SYNE1: variants seen among roughly 807,000 people sequenced by gnomAD.
SYNE1 encodes the protein nesprin-1.
A neutral mutation model predicts 1,111.0 loss-of-function variants in SYNE1; 616 were observed. That is an observed-to-expected ratio of 0.55 (90% confidence interval 0.52 to 0.59). The LOEUF (loss-of-function observed/expected upper bound fraction) is 0.59, where lower values mean the gene tolerates loss of function less well. Ranked by LOEUF, SYNE1 falls within the 20% of genes least tolerant of loss-of-function variation. The probability of loss-of-function intolerance (pLI) is 0.00; values close to 1 mark genes in which losing one functional copy is unlikely to be tolerated. For missense variants in SYNE1, 10,006 were observed against 10,417.0 expected (o/e 0.96, Z 1.72); for synonymous variants, 3,855 against 3,825.8 (o/e 1.01, Z -0.28).
At chr6:152,602,346 T>C (rs1273161866) in intron 3 of SYNE1, among the ~76,000 whole-genome samples, 5 of 152,040 alleles carry the variant, frequency 3.3e-5, no homozygotes, top group Admixed American at 6.6e-5. Context: ...GAAGAAGAGA[T>C]AGGAAGAAGA....
At chr6:152,308,660 TAGAC>T (rs746617898) in intron 90 of SYNE1, 28 bp from the exon 91 acceptor site, 5 of 1,588,146 alleles carry the variant, frequency 3.1e-6, no homozygotes, top group Non-Finnish European at 4.3e-6. Flanking sequence ...AACAGAAAGA[TAGAC>T]AGTTTTTTTT....
chr6:152,169,561 CAAAAAAAAAAAA>C (rs371955068), intron 130 of SYNE1, among the ~76,000 whole-genome samples: 5 of 18,090 alleles, frequency 2.8e-4, no homozygotes, highest in Admixed American at 2.3e-3. Flanking sequence ...GACTCCATCT[CAAAAAAAAAAAA>C]AAAAAAAAAG....
chr6:152,122,436 T>C lies in SYNE1; in HGVS notation c.26394A>G (p.Ter8798TrpextTer13). Residue 8798 changes from the stop codon to tryptophan (W), a stop_lost, in exon 146 of 146, where the codon TGA (stop) becomes TGG (tryptophan). Transcript: ENST00000367255. ...LRYTNGPPPL[*>W] Reference sequence around the variant, plus strand: ...CTTCTGCAGATGGCATCTGCTTAGTTCAGAGTGGAGGAGGGCCATTCGTGT... The same window carrying C: ...CTTCTGCAGATGGCATCTGCTTAGTCCAGAGTGGAGGAGGGCCATTCGTGT... 1.2e-6 allele frequency: 2 copies of C among 1,614,122 alleles called. No individual in the cohort carries two copies. Among genetic ancestry groups the C allele is most frequent in the Non-Finnish European group, 1.7e-6 (2 of 1,180,038 alleles).
At chr6:152,423,581 A>T (rs1381041462) in intron 39 of SYNE1, among the ~76,000 whole-genome samples, 1 of 152,116 alleles carries the variant, frequency 6.6e-6, no homozygotes, top group Non-Finnish European at 1.5e-5. Flanking sequence ...ACCTTTGCCT[A>T]CTTACAATAT....
chr6:152,152,805 TTTAA>T, intron 133 of SYNE1, among the ~76,000 whole-genome samples: 1 of 152,326 alleles, frequency 6.6e-6, no homozygotes, highest in Middle Eastern at 3.4e-3. Context: ...GTTCCTGTGA[TTTAA>T]TTAGTTTTTA....
intron 3 of SYNE1, among the ~76,000 whole-genome samples, chr6:152,606,978 CTTTTTTTTTTT>C (rs71017544): frequency 1.6e-5 from 1 of 62,210 alleles, no homozygotes; most frequent in Non-Finnish European, 2.8e-5. Context: ...CCTCGGTTCT[CTTTTTTTTTTT>C]TTTTTTTTTT....
intron 59 of SYNE1, among the ~76,000 whole-genome samples, chr6:152,372,415 A>G (rs935038177): frequency 6.6e-6 from 1 of 152,218 alleles, no homozygotes; most frequent in African/African-American, 2.4e-5. Context: ...TCTGCCAAAA[A>G]GTGTTTTAAA....
At chr6:152,403,447 G>A (rs1191100422) in intron 46 of SYNE1, among the ~76,000 whole-genome samples, 1 of 152,152 alleles carries the variant, frequency 6.6e-6, no homozygotes, top group Non-Finnish European at 1.5e-5. Context: ...TAGGCTGGGC[G>A]CAGTGGCTCA....
intron 3 of SYNE1, among the ~76,000 whole-genome samples, chr6:152,571,653 T>C (rs985039197): frequency 5.3e-5 from 8 of 152,164 alleles, no homozygotes; most frequent in African/African-American, 1.7e-4. Context: ...TCCGTGACTG[T>C]AAAGTACCCA....
intron 14 of SYNE1, among the ~76,000 whole-genome samples, chr6:152,475,087 TTTTTACAAAAGA>T (rs2098827331): frequency 2.0e-5 from 3 of 152,182 alleles, no homozygotes; most frequent in African/African-American, 4.8e-5. Flanking sequence ...AACTATCTTC[TTTTTACAAAAGA>T]TACACCTAAT....
Position 152,148,341 on chromosome 6 carries a change from A to T in SYNE1, c.24680T>A (p.Leu8227Gln). 3 of 1,614,202 alleles carry T rather than the reference A, an allele frequency of 1.9e-6. No individual in the cohort carries two copies. The highest frequency in any genetic ancestry group is 2.5e-6 in the Non-Finnish European group (3 of 1,180,040). Residue 8227 changes from leucine to glutamine, a missense_variant, in exon 137 of 146, where the codon CTG becomes CAG. Around this residue, in one of 7 missense-constraint regions of SYNE1, gnomAD observed 761 missense variants for 795.5 expected, o/e 0.96. Transcript: ENST00000367255. The surrounding 1 kb of genome is among the most constrained non-coding windows in gnomAD (Gnocchi z 4.1). The part of the protein sequence containing the change: ...DDEHDLSDRE[L>Q]ELEDSAALSD... ...CAGAGCTGCAGAGTCTTCCAGCTCCAGCTCCCTGTCTGAGAGGTCGTGCTC... is the reference window on the plus strand; with the variant it reads ...CAGAGCTGCAGAGTCTTCCAGCTCCTGCTCCCTGTCTGAGAGGTCGTGCTC...
intron 121 of SYNE1, among the ~76,000 whole-genome samples, chr6:152,216,434 G>C (rs563286779): frequency 2.0e-5 from 3 of 152,330 alleles, no homozygotes; most frequent in South Asian, 2.1e-4. Context: ...ACAGACAGTG[G>C]AGACTTTCCT....
chr6:152,313,464 CTTTTT>C (rs35627993), intron 87 of SYNE1, among the ~76,000 whole-genome samples: 1 of 135,634 alleles, frequency 7.4e-6, no homozygotes, highest in Non-Finnish European at 1.6e-5. Flanking sequence ...ATTTTCTTTT[CTTTTT>C]TTTTTTTTTT....
chr6:152,429,086 G>GTAATAATAATAA (rs3046242), intron 36 of SYNE1, among the ~76,000 whole-genome samples: 72 of 144,686 alleles, frequency 5.0e-4, no homozygotes, highest in African/African-American at 1.1e-3. Context: ...TATCTCAATA[G>GTAATAATAATAA]TAATAATAAT....
Position 152,331,152 on chromosome 6 carries a change from A to G in SYNE1, c.13533T>C (p.Thr4511=). The change falls in exon 78 of 146, where the codon ACT becomes ACC. Residue 4511 remains threonine, a synonymous_variant. Transcript: ENST00000367255. ...GTTCGCGACCCTGGGCCCAAAGTCC[A>G]GTGACTTCATTTTGGTAAGTCTTGA... ...ASLKTYQNEV[T]GLWAQGRELM... The G allele has an allele frequency of 6.2e-7, 1 of 1,614,122 alleles. No homozygotes were observed. The highest frequency in any genetic ancestry group is 8.5e-7 in the Non-Finnish European group (1 of 1,180,036).
chr6:152,564,101 A>ACTGCGT (rs1171908896), intron 3 of SYNE1, among the ~76,000 whole-genome samples: 5 of 152,202 alleles, frequency 3.3e-5, no homozygotes, highest in Admixed American at 1.3e-4. Flanking sequence ...TAAGACAATC[A>ACTGCGT]AAGACTAGAT....
intron 6 of SYNE1, among the ~76,000 whole-genome samples, chr6:152,518,826 A>G (rs868555432): frequency 6.6e-6 from 1 of 151,546 alleles, no homozygotes; most frequent in South Asian, 2.1e-4. Context: ...CTACATATGT[A>G]TATGTGTATA....
chr6:152,190,331 A>C (rs1024746657), intron 127 of SYNE1, among the ~76,000 whole-genome samples: 32 of 152,292 alleles, frequency 2.1e-4, no homozygotes, highest in African/African-American at 7.5e-4. Flanking sequence ...TCCACCACTG[A>C]AGTCTTGAAC....
At chr6:152,628,113 C>T (rs2099689884) in intron 3 of SYNE1, 152 bp downstream of exon 3, 1 of 761,286 alleles carries the variant, frequency 1.3e-6, no homozygotes, top group Non-Finnish European at 2.3e-6. Context: ...CTGAAGACAG[C>T]ATGGCCCTGT....
Sources: gnomAD v4.1 joint callset for allele counts (sites outside exome capture counted in the v4.1 genomes callset) on GRCh38, gnomAD v4.1.1 for gene constraint, gnomAD v4.1.1 regional missense constraint, Gnocchi (gnomAD v3.1) non-coding constraint, MANE v1.5 for transcripts, NCBI Gene and HGNC (gene_info 2026-07-23, HGNC 2026-07-21) for gene names.